The following SGPP2 variants were observed in gnomAD, a reference collection of about 807,000 sequenced individuals.
SGPP2 encodes sphingosine-1-phosphate phosphatase 2.
A neutral mutation model predicts 33.9 loss-of-function variants in SGPP2; 30 were observed. That is an observed-to-expected ratio of 0.89 (90% CI 0.66 to 1.20). SGPP2 has a LOEUF of 1.20. SGPP2 is among the 50% of genes most tolerant of loss of function. The pLI is 0.00. For missense variants in SGPP2, 458 were observed against 532.1 expected (o/e 0.86, Z 1.37); for synonymous variants, 233 against 225.0 (o/e 1.04, Z -0.32).
intron 2 of SGPP2, among the ~76,000 whole-genome samples, chr2:222,519,953 G>T (rs1040749803): frequency 4.6e-5 from 7 of 152,132 alleles, no homozygotes; most frequent in African/African-American, 1.7e-4. Flanking sequence ...CTTTGCTATT[G>T]TGAATACTGC....
At chr2:222,499,724 G>C (rs1168626560) in intron 2 of SGPP2, among the ~76,000 whole-genome samples, 1 of 152,204 alleles carries the variant, frequency 6.6e-6, no homozygotes, top group African/African-American at 2.4e-5. Flanking sequence ...TAGATGATGG[G>C]CTGGAAGCTT....
intron 4 of SGPP2, among the ~76,000 whole-genome samples, chr2:222,540,301 C>G (rs911209941): frequency 6.6e-6 from 1 of 152,144 alleles, no homozygotes; most frequent in Admixed American, 6.5e-5. Flanking sequence ...ATCACATATG[C>G]AACTCATCAC....
At chr2:222,512,124 G>A (rs1450685938) in intron 2 of SGPP2, among the ~76,000 whole-genome samples, 5 of 151,908 alleles carry the variant, frequency 3.3e-5, no homozygotes, top group Non-Finnish European at 7.4e-5. Flanking sequence ...ACGCCATTCT[G>A]CCTCAGCCTC....
At chr2:222,495,657 C>T (rs1452976686) in intron 2 of SGPP2, among the ~76,000 whole-genome samples, 4 of 152,158 alleles carry the variant, frequency 2.6e-5, no homozygotes, top group African/African-American at 9.7e-5. Flanking sequence ...AAGGAACCCC[C>T]ACCTTCTCCC....
chr2:222,436,233 G>A (rs181205063), intron 1 of SGPP2, among the ~76,000 whole-genome samples: 36 of 152,212 alleles, frequency 2.4e-4, no homozygotes, highest in African/African-American at 7.2e-4. Context: ...TAGTGGCAGC[G>A]TTCCCCACTC....
At chr2:222,434,167 G>A (rs914639629) in intron 1 of SGPP2, among the ~76,000 whole-genome samples, 1 of 152,080 alleles carries the variant, frequency 6.6e-6, no homozygotes, top group African/African-American at 2.4e-5. Flanking sequence ...CCAAAATTTG[G>A]GGCATCTGCA....
chr2:222,432,624 C>G (rs889919920), intron 1 of SGPP2, among the ~76,000 whole-genome samples: 1 of 152,116 alleles, frequency 6.6e-6, no homozygotes, highest in African/African-American at 2.4e-5. Context: ...AGAGTTCTGA[C>G]AAACCTCAGA....
chr2:222,442,869 T>G (rs1438577541), intron 1 of SGPP2, among the ~76,000 whole-genome samples: 7 of 152,156 alleles, frequency 4.6e-5, no homozygotes, highest in Non-Finnish European at 1.0e-4. Context: ...TAGCCCTCAA[T>G]ATTAAGATTC....
intron 1 of SGPP2, among the ~76,000 whole-genome samples, chr2:222,427,257 T>G (rs1474316795): frequency 6.6e-6 from 1 of 152,182 alleles, no homozygotes; most frequent in Non-Finnish European, 1.5e-5. Flanking sequence ...TATAAAATTA[T>G]AGTTTTAAAC....
chr2:222,459,653 G>A (rs1697629365), intron 1 of SGPP2, among the ~76,000 whole-genome samples: 1 of 151,476 alleles, frequency 6.6e-6, no homozygotes, highest in Non-Finnish European at 1.5e-5. Context: ...CAGAGAGATT[G>A]AGAGAGAGAG....
chr2:222,547,696 AACAT>A (rs1438700252), intron 4 of SGPP2, among the ~76,000 whole-genome samples: 1 of 152,182 alleles, frequency 6.6e-6, no homozygotes, highest in Non-Finnish European at 1.5e-5. Flanking sequence ...ATTTAAAGAG[AACAT>A]ACAAAGGAAA....
intron 2 of SGPP2, among the ~76,000 whole-genome samples, chr2:222,500,126 A>G (rs956483979): frequency 6.6e-6 from 1 of 152,228 alleles, no homozygotes; most frequent in African/African-American, 2.4e-5. Context: ...ACTCTGTCAC[A>G]TAAGGAAGAA....
chr2:222,501,361 T>C (rs1231812433), intron 2 of SGPP2, among the ~76,000 whole-genome samples: 1 of 152,102 alleles, frequency 6.6e-6, no homozygotes, highest in African/African-American at 2.4e-5. Flanking sequence ...AGATCTTTTC[T>C]GAATTCTATT....
At chr2:222,541,236 G>A (rs1698992253) in intron 4 of SGPP2, among the ~76,000 whole-genome samples, 1 of 152,242 alleles carries the variant, frequency 6.6e-6, no homozygotes, top group South Asian at 2.1e-4. Flanking sequence ...GGCAAGTGTG[G>A]AGTTGTGTAA....
intron 2 of SGPP2, among the ~76,000 whole-genome samples, chr2:222,480,005 A>C (rs1698005557): frequency 6.6e-6 from 1 of 152,230 alleles, no homozygotes; most frequent in African/African-American, 2.4e-5. Context: ...TGAGCCAAAA[A>C]AGACAGCAAA....
intron 1 of SGPP2, among the ~76,000 whole-genome samples, chr2:222,432,158 G>C (rs1407295688): frequency 6.6e-6 from 1 of 152,224 alleles, no homozygotes; most frequent in Non-Finnish European, 1.5e-5. Context: ...AGGGATCTCA[G>C]GCTGTCTCTG....
chr2:222,513,629 A>C (rs1698562247), intron 2 of SGPP2, among the ~76,000 whole-genome samples: 1 of 151,814 alleles, frequency 6.6e-6, no homozygotes, highest in Non-Finnish European at 1.5e-5. Context: ...ATCATCCTGG[A>C]TTATCTGGTT....
intron 2 of SGPP2, among the ~76,000 whole-genome samples, chr2:222,509,466 C>T (rs961164912): frequency 6.6e-6 from 1 of 151,980 alleles, no homozygotes; most frequent in African/African-American, 2.4e-5. Context: ...AAGAAAGCCT[C>T]CAAAGCTAAA....
At chr2:222,508,062 G>A (rs2106123117) in intron 2 of SGPP2, among the ~76,000 whole-genome samples, 1 of 152,262 alleles carries the variant, frequency 6.6e-6, no homozygotes, top group East Asian at 1.9e-4. Context: ...CCATCTAATG[G>A]CAAGTAAAGG....
Sources: gnomAD v4.1 joint callset for allele counts (sites outside exome capture counted in the v4.1 genomes callset) on GRCh38, gnomAD v4.1.1 for gene constraint, MANE v1.5 for transcripts, NCBI Gene and HGNC (gene_info 2026-07-23, HGNC 2026-07-21) for gene names.